The following GID4 variants were observed in gnomAD, a reference collection of about 807,000 sequenced individuals.
GID4 encodes GID complex subunit 4 homolog.
Under a neutral mutation model 32.4 loss-of-function variants are expected in GID4, and 7 were observed. The ratio of observed to expected loss-of-function variants is 0.22; its 90% confidence interval spans 0.12 to 0.41. The LOEUF is 0.41. GID4 is among the 10% of genes least tolerant of loss of function. GID4 has a pLI of 1.00. For synonymous variants in GID4, 166 were observed against 170.0 expected, an observed-to-expected ratio of 0.98 and a Z score of 0.18; for missense variants, 309 against 400.0, an observed-to-expected ratio of 0.77 and a Z score of 1.94.
rs369896915 is a variant in GID4, at chr17:18,039,552, G to A, written c.88G>A (p.Glu30Lys). 5.6e-4 allele frequency: 735 copies of A among 1,305,928 alleles called. No individual in the cohort carries two copies. The highest frequency in any genetic ancestry group is 6.8e-4 in the Non-Finnish European group (700 of 1,031,768). 80.9% of individuals were successfully genotyped at this position (1,305,928 alleles called of 1,614,324 possible). The change falls in exon 1 of 6, where the codon GAG becomes AAG. Residue 30 changes from glutamate (E) to lysine (K), a missense_variant. Physicochemically the swap from Glu to Lys is moderately conservative, Grantham distance 56. Around this residue, in one of 2 missense-constraint regions of GID4, gnomAD observed 193 missense variants for 185.8 expected, o/e 1.04. Coordinates refer to ENST00000268719, the MANE Select transcript of GID4 (RefSeq NM_024052.5). The surrounding 1 kb of genome is among the most constrained non-coding windows in gnomAD (Gnocchi z 5.3). ...SQVPGSRWRPERLLRRQRAGG... is the reference protein window; with the variant it reads ...SQVPGSRWRPKRLLRRQRAGG... ...GGTCCCTGGGTCCCGGTGGCGGCCG[G>A]AGCGCTTGCTCCGCAGGCAGCGGGC...
chr17:18,055,042 G>T (rs1211578339), intron 3 of GID4, among the ~76,000 whole-genome samples: 1 of 152,010 alleles, frequency 6.6e-6, no homozygotes, highest in Non-Finnish European at 1.5e-5. Context: ...GTGGTGGTGG[G>T]CACCCGTAGT....
chr17:18,059,899 C>T (rs1158030358), intron 4 of GID4, among the ~76,000 whole-genome samples: 2 of 150,658 alleles, frequency 1.3e-5, no homozygotes, highest in Non-Finnish European at 3.0e-5. Context: ...TCCTGGCCAA[C>T]ATGGTGAAAA....
chr17:18,064,532 T>C (rs2045043872), intron 5 of GID4, among the ~76,000 whole-genome samples: 1 of 152,172 alleles, frequency 6.6e-6, no homozygotes, highest in Non-Finnish European at 1.5e-5. Context: ...ACATTGACTC[T>C]AAATGTGCCC....
At chr17:18,047,700 C>T (rs1398461119) in intron 2 of GID4, among the ~76,000 whole-genome samples, 1 of 152,172 alleles carries the variant, frequency 6.6e-6, no homozygotes, top group African/African-American at 2.4e-5. Flanking sequence ...CCTGGTCCAG[C>T]AATAAATAGA....
At chr17:18,042,216 T>C (rs1008987645) in intron 1 of GID4, among the ~76,000 whole-genome samples, 1 of 152,258 alleles carries the variant, frequency 6.6e-6, no homozygotes, top group Non-Finnish European at 1.5e-5. Flanking sequence ...TACAATTCAA[T>C]AGTTTTTAGT....
intron 4 of GID4, among the ~76,000 whole-genome samples, chr17:18,060,400 CAAAA>C (rs919974638): frequency 2.2e-5 from 1 of 45,674 alleles, no homozygotes. Context: ...TCTGTCTCAC[CAAAA>C]AAAAAAAAAA....
rs74967002 is a variant in GID4, at chr17:18,047,216, A to C, written c.498+2010A>C. 8.7e-3 allele frequency among the ~76,000 whole-genome samples: 1,319 copies of C among 152,328 alleles called. 19 individuals are homozygous for C. The highest frequency in any genetic ancestry group is 0.028 in the African/African-American group (1,159 of 41,578). ...ATTGTATCAAATCAAGTAGGAGTAG[A>C]AGTGATAGCAAAATACAGGATTCCA... On this transcript the variant is annotated intron_variant, in intron 2 of 5. Transcript: ENST00000268719.
At chr17:18,042,926 T>C (rs576409132) in intron 1 of GID4, among the ~76,000 whole-genome samples, 2 of 152,334 alleles carry the variant, frequency 1.3e-5, no homozygotes, top group Non-Finnish European at 2.9e-5. Flanking sequence ...TTGTTGTTGT[T>C]GTTGTTTTGG....
chr17:18,044,124 C>T (rs2044829144), intron 1 of GID4, among the ~76,000 whole-genome samples: 1 of 152,224 alleles, frequency 6.6e-6, no homozygotes, highest in African/African-American at 2.4e-5. Context: ...CATGCGGATA[C>T]TGTCACCACT....
chr17:18,047,144 A>C (rs375252665), intron 2 of GID4, among the ~76,000 whole-genome samples: 4 of 152,212 alleles, frequency 2.6e-5, no homozygotes, highest in Non-Finnish European at 5.9e-5. Flanking sequence ...AGGATCTCCT[A>C]TGAAGTTTGT....
Position 18,039,999 on chromosome 17 carries a change from C to T in GID4, c.438+97C>T. The T allele has an allele frequency of 2.4e-6, 3 of 1,254,954 alleles. No homozygotes were observed. The highest frequency in any genetic ancestry group is 3.0e-6 in the Non-Finnish European group (3 of 997,258). The allele number at this position is 1,254,954 out of a possible 1,614,324, so 77.7% of individuals were successfully genotyped here. A position where few individuals can be genotyped will look rare whatever the true frequency, so the allele number is the denominator to read the frequency against. On this transcript the variant is annotated intron_variant, in intron 1 of 5. Coordinates refer to ENST00000268719, the MANE Select transcript of GID4 (RefSeq NM_024052.5). The surrounding 1 kb of genome is among the most constrained non-coding windows in gnomAD (Gnocchi z 5.3). Reference sequence around the variant, plus strand: ...TCGACCCCGCAGCCGCGGAACAGGCCCTCGCCGCCGGGGCCTCCTGCACCC... The same window carrying T: ...TCGACCCCGCAGCCGCGGAACAGGCTCTCGCCGCCGGGGCCTCCTGCACCC...
At chr17:18,059,779 C>T (rs1019969641) in intron 4 of GID4, among the ~76,000 whole-genome samples, 90 of 152,182 alleles carry the variant, frequency 5.9e-4, no homozygotes, top group Admixed American at 2.6e-4. Flanking sequence ...TTTTGCATAG[C>T]TAACCACTTT....
chr17:18,046,496 T>C (rs2044853661), intron 2 of GID4, among the ~76,000 whole-genome samples: 1 of 152,068 alleles, frequency 6.6e-6, no homozygotes, highest in Non-Finnish European at 1.5e-5. Flanking sequence ...TAGTCCTAGC[T>C]ACTCAGAAGA....
In GID4 at chr17:18,066,275, C is replaced by G. The variant is rs2045061295; in HGVS notation, c.*1032C>G. 6.6e-6 allele frequency: 1 copy of G among 152,490 alleles called. No homozygotes were observed. Among genetic ancestry groups the G allele is most frequent in the Admixed American group, 6.6e-5 (1 of 15,258 alleles). The allele number at this position is 152,490 out of a possible 1,614,324, so 9.4% of individuals were successfully genotyped here. On this transcript the variant is annotated 3_prime_UTR_variant, in exon 6 of 6. Transcript: ENST00000268719. ...CTCAACACAAGAACTGTTTTTGGGG[C>G]CAGTTTAGCATTTGTGCCGCCTCCT...
chr17:18,056,686 C>T, intron 3 of GID4: 1 of 1,540,922 alleles, frequency 6.5e-7, no homozygotes, highest in Non-Finnish European at 8.8e-7. Flanking sequence ...CTTAATTTTC[C>T]CATTGACTTC....
intron 2 of GID4, among the ~76,000 whole-genome samples, chr17:18,048,909 C>T (rs1279307578): frequency 6.6e-6 from 1 of 151,786 alleles, no homozygotes; most frequent in Non-Finnish European, 1.5e-5. Context: ...TCCCAAAGTG[C>T]TGGGACTACA....
intron 5 of GID4, among the ~76,000 whole-genome samples, chr17:18,064,727 G>A (rs921639862): frequency 2.6e-5 from 4 of 152,188 alleles, no homozygotes; most frequent in African/African-American, 4.8e-5. Flanking sequence ...TAAGGCAGTA[G>A]TGAAATGAAT....
At chr17:18,055,417 C>A (rs1330853513) in intron 3 of GID4, among the ~76,000 whole-genome samples, 1 of 151,890 alleles carries the variant, frequency 6.6e-6, no homozygotes, top group South Asian at 2.1e-4. Context: ...TCCCGCAGAC[C>A]CTTGTCTTGA....
chr17:18,061,889 T>C lies in GID4; in HGVS notation c.753T>C (p.Gly251=), dbSNP rs767857691. Residue 251 remains glycine, a synonymous_variant, in exon 5 of 6, where the codon GGT becomes GGC. Transcript: ENST00000268719. The surrounding 1 kb of genome is among the most constrained non-coding windows in gnomAD (Gnocchi z 4.4). ...ATCACACGATCAAAGACATCAGTGGTGCTTCTTTTGCCGGGTTCTACTACA... is the reference window on the plus strand; with the variant it reads ...ATCACACGATCAAAGACATCAGTGGCGCTTCTTTTGCCGGGTTCTACTACA... ...VPDHTIKDIS[G]ASFAGFYYIC... is the part of the protein sequence containing the mutation. 3 of 1,613,968 alleles carry C rather than the reference T, an allele frequency of 1.9e-6. No homozygotes were observed. In the East Asian group the frequency reaches 6.7e-5, roughly 36 times the overall value.
Sources: gnomAD v4.1 joint callset for allele counts (sites outside exome capture counted in the v4.1 genomes callset) on GRCh38, gnomAD v4.1.1 for gene constraint, gnomAD v4.1.1 regional missense constraint, Gnocchi (gnomAD v3.1) non-coding constraint, MANE v1.5 for transcripts, NCBI Gene and HGNC (gene_info 2026-07-23, HGNC 2026-07-21) for gene names.